The following RBFOX1 variants were observed in gnomAD, a reference collection of about 807,000 sequenced individuals.
The protein encoded by RBFOX1 is RNA binding protein fox-1 homolog 1.
In RBFOX1, 8 loss-of-function variants were observed where a neutral mutation model predicts 57.7. That is an observed-to-expected ratio of 0.14 (90% CI 0.08 to 0.25). The LOEUF (loss-of-function observed/expected upper bound fraction) is 0.25. RBFOX1 is among the 10% of genes least tolerant of loss of function. The pLI is 1.00. For missense variants in RBFOX1, 611 were observed against 548.5 expected (o/e 1.11, Z -1.14); for synonymous variants, 326 against 222.4 (o/e 1.47, Z -4.15).
At chr16:6,143,560 G>T (rs1010298967) in intron 1 of RBFOX1, among the ~76,000 whole-genome samples, 6 of 152,092 alleles carry the variant, frequency 3.9e-5, no homozygotes, top group Non-Finnish European at 7.4e-5. Flanking sequence ...TATAGCTAAA[G>T]GACACTTACC....
intron 4 of RBFOX1, among the ~76,000 whole-genome samples, chr16:7,379,862 C>G (rs1481317371): frequency 1.3e-5 from 2 of 151,744 alleles, no homozygotes; most frequent in East Asian, 1.9e-4. Context: ...TCTTCCTTTT[C>G]TTTCTTTCTA....
chr16:5,488,432 GTGA>G (rs368924585), intron 2 of RBFOX1, among the ~76,000 whole-genome samples: 583 of 135,858 alleles, frequency 4.3e-3, no homozygotes, highest in African/African-American at 0.019. Flanking sequence ...GAGGATTATG[GTGA>G]TGATGATGGT....
At chr16:5,968,098 A>G (rs1342595708) in intron 4 of RBFOX1, among the ~76,000 whole-genome samples, 1 of 152,184 alleles carries the variant, frequency 6.6e-6, no homozygotes, top group Non-Finnish European at 1.5e-5. Flanking sequence ...TCATTGAGAT[A>G]GAGTCTTGCT....
intron 4 of RBFOX1, among the ~76,000 whole-genome samples, chr16:7,292,063 AT>A (rs1473878929): frequency 1.4e-5 from 2 of 138,356 alleles, no homozygotes; most frequent in Non-Finnish European, 3.0e-5. Context: ...TATTGTATAT[AT>A]TATATATAGA....
At chr16:6,026,558 G>C (rs542840402) in intron 1 of RBFOX1, among the ~76,000 whole-genome samples, 1 of 152,228 alleles carries the variant, frequency 6.6e-6, no homozygotes, top group African/African-American at 2.4e-5. Flanking sequence ...GAGGCAATGT[G>C]TGCAGTGGTT....
At chr16:7,000,631 G>A (rs562259341) in intron 3 of RBFOX1, among the ~76,000 whole-genome samples, 2 of 106,870 alleles carry the variant, frequency 1.9e-5, no homozygotes, top group South Asian at 6.4e-4. Context: ...ACAGAGTCTC[G>A]CTCTCCTCTG....
intron 4 of RBFOX1, among the ~76,000 whole-genome samples, chr16:7,107,265 G>C (rs2063783948): frequency 6.6e-6 from 1 of 152,086 alleles, no homozygotes; most frequent in African/African-American, 2.4e-5. Flanking sequence ...GAGCTGGAGA[G>C]CAATGTGGAA....
chr16:7,242,993 T>A (rs2094139377), intron 4 of RBFOX1, among the ~76,000 whole-genome samples: 1 of 152,210 alleles, frequency 6.6e-6, no homozygotes, highest in African/African-American at 2.4e-5. Flanking sequence ...CTCCTCCTCT[T>A]GTTTTTGTTA....
In RBFOX1 at chr16:6,494,403, C is replaced by G. The variant is rs555516689; in HGVS notation, c.-63-160200C>G. 2.0e-5 allele frequency among the ~76,000 whole-genome samples: 3 copies of G among 152,286 alleles called. No individual in the cohort carries two copies. The East Asian group carries it at 5.8e-4, about 29-fold the overall frequency. ...GCCCCTGTTCTTAACCCCTGTCGAT[C>G]ATGAATCTGCCTTCCATTTGTAAAA... On this transcript the variant is annotated intron_variant, in intron 2 of 15. Transcript: ENST00000550418.
intron 4 of RBFOX1, among the ~76,000 whole-genome samples, chr16:7,219,719 G>C (rs572438024): frequency 2.0e-4 from 30 of 152,278 alleles, no homozygotes; most frequent in African/African-American, 6.5e-4. Flanking sequence ...AGGAAGCAGG[G>C]AATCTTTAAG....
At chr16:7,236,469 C>G (rs375596654) in intron 4 of RBFOX1, among the ~76,000 whole-genome samples, 11 of 152,270 alleles carry the variant, frequency 7.2e-5, no homozygotes, top group Admixed American at 7.2e-4. Context: ...GGCAGAATCT[C>G]TTTCTGCTCC....
At chr16:5,249,704 C>T (rs944040486) in intron 1 of RBFOX1, among the ~76,000 whole-genome samples, 9 of 152,188 alleles carry the variant, frequency 5.9e-5, no homozygotes, top group African/African-American at 2.2e-4. Context: ...TGTGGTGGCT[C>T]ACACCTGTAT....
intron 3 of RBFOX1, among the ~76,000 whole-genome samples, chr16:6,921,798 G>T (rs2074518781): frequency 6.6e-6 from 1 of 151,030 alleles, no homozygotes; most frequent in African/African-American, 2.4e-5. Flanking sequence ...ACACACACAT[G>T]AACATAATCA....
intron 4 of RBFOX1, among the ~76,000 whole-genome samples, chr16:7,270,508 G>T (rs1486219003): frequency 6.6e-6 from 1 of 152,148 alleles, no homozygotes; most frequent in East Asian, 1.9e-4. Flanking sequence ...ATAAGGGAAG[G>T]TACCATTGGG....
At chr16:6,313,674 G>A (rs1260801890) in intron 1 of RBFOX1, among the ~76,000 whole-genome samples, 1 of 152,094 alleles carries the variant, frequency 6.6e-6, no homozygotes, top group Non-Finnish European at 1.5e-5. Flanking sequence ...AATGTCCTCC[G>A]AGTTTCCTTC....
intron 15 of RBFOX1, chr16:7,710,205 T>G (rs754073252): frequency 1.0e-4 from 105 of 1,031,144 alleles, no homozygotes; most frequent in Non-Finnish European, 1.1e-4. Context: ...GTTGAGATTT[T>G]CATCCCAATT....
At chr16:7,270,482 A>C (rs2095291107) in intron 4 of RBFOX1, among the ~76,000 whole-genome samples, 1 of 152,228 alleles carries the variant, frequency 6.6e-6, no homozygotes, top group African/African-American at 2.4e-5. Flanking sequence ...AACGCATGTA[A>C]GAACACCTAA....
intron 3 of RBFOX1, among the ~76,000 whole-genome samples, chr16:6,862,370 A>G (rs1368205196): frequency 6.6e-6 from 1 of 152,192 alleles, no homozygotes; most frequent in Non-Finnish European, 1.5e-5. Context: ...TTGAACACCA[A>G]GGCCCCAGAG....
At chr16:6,504,157 C>T (rs1384423649) in intron 2 of RBFOX1, among the ~76,000 whole-genome samples, 2 of 152,110 alleles carry the variant, frequency 1.3e-5, no homozygotes, top group African/African-American at 4.8e-5. Flanking sequence ...AAAGAACAAC[C>T]CCTGGATAAA....
Sources: gnomAD v4.1 joint callset for allele counts (sites outside exome capture counted in the v4.1 genomes callset) on GRCh38, gnomAD v4.1.1 for gene constraint, MANE v1.5 for transcripts, NCBI Gene and HGNC (gene_info 2026-07-23, HGNC 2026-07-21) for gene names.